Variants in EHD1 observed in about 807,000 individuals in gnomAD.
EHD1 encodes the protein EH domain containing 1.
EHD1 carries 19 observed loss-of-function variants against 39.0 expected under a neutral mutation model. That is an observed-to-expected ratio of 0.49 (90% CI 0.34 to 0.72). The LOEUF is 0.72. Ranked by LOEUF, EHD1 falls within the 30% of genes least tolerant of loss-of-function variation. EHD1 has a pLI of 0.01. For missense variants in EHD1, 542 were observed against 751.5 expected, an observed-to-expected ratio of 0.72 and a Z score of 3.26; for synonymous variants, 323 against 331.2, an observed-to-expected ratio of 0.98 and a Z score of 0.27.
chr11:64,856,776 A>C (rs1266057277), intron 3 of EHD1: 2 of 152,324 alleles, frequency 1.3e-5, no homozygotes, highest in East Asian at 3.8e-4. Context: ...CACAGAGAGC[A>C]CCACTCACTC....
chr11:64,865,073 G>C (rs1362366068), intron 2 of EHD1, among the ~76,000 whole-genome samples: 1 of 152,232 alleles, frequency 6.6e-6, no homozygotes, highest in Non-Finnish European at 1.5e-5. Context: ...TTTCTTTGCA[G>C]GTGACTAAAA....
Position 64,868,619 on chromosome 11 carries a change from CAA to C in EHD1, c.502+5800_502+5801del, listed in dbSNP as rs1469443049. Reference sequence around the variant, plus strand: ...CATTTAGGTGACATTCCGGAAAAGGCAAAAGTTAGAGACAAAGGTCAGTGGGC... The same window carrying C: ...CATTTAGGTGACATTCCGGAAAAGGCAAGTTAGAGACAAAGGTCAGTGGGC... On this transcript the variant is annotated intron_variant, in intron 2 of 4. Transcript: ENST00000320631. The surrounding 1 kb of genome is among the most constrained non-coding windows in gnomAD (Gnocchi z 4.2). Among the ~76,000 whole-genome samples, 2 of 152,166 alleles carry C rather than the reference CAA, an allele frequency of 1.3e-5. No individual in the cohort carries two copies. The highest frequency in any genetic ancestry group is 2.9e-5 in the Non-Finnish European group (2 of 68,032).
At position 64,854,250 on chromosome 11, in the gene EHD1, C is replaced by T. The variant is rs1441443647; in HGVS notation, c.*83G>A. Reference sequence around the variant, plus strand: ...AAACATCCGCTCAGTCTTTATGGACCTTGAGAAATGGTGAGGCTTCCCCTC... The same window carrying T: ...AAACATCCGCTCAGTCTTTATGGACTTTGAGAAATGGTGAGGCTTCCCCTC... On this transcript the variant is annotated 3_prime_UTR_variant, in exon 5 of 5. Coordinates refer to ENST00000320631, the MANE Select transcript of EHD1 (RefSeq NM_006795.4). The T allele has an allele frequency of 2.0e-6, 3 of 1,484,460 alleles. No individual in the cohort carries two copies. Among genetic ancestry groups the T allele is most frequent in the Non-Finnish European group, 2.7e-6 (3 of 1,120,544 alleles). The allele number at this position is 1,484,460 out of a possible 1,614,324, so 92.0% of individuals were successfully genotyped here. A position where few individuals can be genotyped will look rare whatever the true frequency, so the allele number is the denominator to read the frequency against.
At position 64,854,392 on chromosome 11, in the gene EHD1, C is replaced by T. The variant is rs267603107; in HGVS notation, c.1546G>A (p.Glu516Lys). The change falls in exon 5 of 5, where the codon GAG becomes AAG. Residue 516 changes from glutamate (E) to lysine (K), a missense_variant. Glu to Lys is a moderately conservative substitution (Grantham distance 56, BLOSUM62 1). Transcript: ENST00000320631. ...TGCGGGGGCAGGTCGGCGGGCAGCTCGTGGCCCTCCAGCTTGACCTTGATG... is the reference window on the plus strand; with the variant it reads ...TGCGGGGGCAGGTCGGCGGGCAGCTTGTGGCCCTCCAGCTTGACCTTGATG... ...HLIKVKLEGH[E>K]LPADLPPHLV... 6.8e-6 allele frequency: 11 copies of T among 1,613,760 alleles called. No individual in the cohort carries two copies. Among genetic ancestry groups the T allele is most frequent in the Non-Finnish European group, 8.5e-6 (10 of 1,179,924 alleles).
upstream of EHD1, chr11:64,878,959 C>A (rs1943924462): frequency 2.0e-6 from 2 of 1,005,786 alleles, no homozygotes; most frequent in South Asian, 8.5e-5. Flanking sequence ...CCCCCCACAC[C>A]CCCGCGGGAT....
intron 2 of EHD1, among the ~76,000 whole-genome samples, chr11:64,863,507 C>T (rs369492766): frequency 6.2e-4 from 95 of 152,358 alleles, no homozygotes; most frequent in African/African-American, 2.2e-3. Context: ...CTGCAAAGCC[C>T]TCCAGGACAA....
upstream of EHD1, chr11:64,878,976 A>G: frequency 1.0e-6 from 1 of 1,000,236 alleles, no homozygotes; most frequent in Non-Finnish European, 1.2e-6. Flanking sequence ...GGATGGCTCC[A>G]CGAGACACCC....
chr11:64,857,923 A>G (rs968660029), intron 3 of EHD1, among the ~76,000 whole-genome samples: 1 of 152,144 alleles, frequency 6.6e-6, no homozygotes, highest in Non-Finnish European at 1.5e-5. Context: ...GCTCTGTTGA[A>G]GAACTGGGGA....
chr11:64,855,020 A>G (rs891799137), intron 4 of EHD1, 163 bp from the exon 5 acceptor site: 28 of 946,390 alleles, frequency 3.0e-5, no homozygotes, highest in Non-Finnish European at 3.9e-5. Flanking sequence ...TAACCTGTAC[A>G]CAGGAGGCAC....
intron 2 of EHD1, among the ~76,000 whole-genome samples, chr11:64,872,137 C>T (rs915894084): frequency 6.6e-5 from 10 of 152,154 alleles, no homozygotes; most frequent in East Asian, 1.9e-4. Flanking sequence ...CATGATGGCC[C>T]GCGCCTGTGG....
chr11:64,861,086 T>C (rs919158478), intron 2 of EHD1, among the ~76,000 whole-genome samples: 3 of 150,260 alleles, frequency 2.0e-5, no homozygotes, highest in African/African-American at 7.4e-5. Flanking sequence ...CTCAGGAGGC[T>C]GATGCAGGAG....
chr11:64,878,866 G>A, upstream of EHD1: 1 of 1,082,106 alleles, frequency 9.2e-7, no homozygotes, highest in Non-Finnish European at 1.1e-6. Flanking sequence ...AGGGAGGCTC[G>A]CGAAAGTGCT....
Position 64,869,387 on chromosome 11 carries a change from A to C in EHD1, c.502+5034T>G, listed in dbSNP as rs1025591829. Among the ~76,000 whole-genome samples, 4 of 152,228 alleles carry C rather than the reference A, an allele frequency of 2.6e-5. No individual in the cohort carries two copies. In the South Asian group the frequency reaches 8.3e-4, roughly 32 times the overall value. ...TTGGGAGGCCTGGAGCTGGGAGCAAAGGAGGGCCTGGAACCCAACGGGAAA... is the reference window on the plus strand; with the variant it reads ...TTGGGAGGCCTGGAGCTGGGAGCAACGGAGGGCCTGGAACCCAACGGGAAA... On this transcript the variant is annotated intron_variant, in intron 2 of 4. Coordinates refer to ENST00000320631, the MANE Select transcript of EHD1 (RefSeq NM_006795.4).
Position 64,877,678 on chromosome 11 carries a change from G to A in EHD1, c.404+383C>T, listed in dbSNP as rs571301761. The A allele has an allele frequency of 1.9e-5, 4 of 210,210 alleles. No homozygotes were observed. In the South Asian group the frequency reaches 7.1e-4, roughly 37 times the overall value. The allele number at this position is 210,210 out of a possible 1,614,324, so 13.0% of individuals were successfully genotyped here. The stretch of plus-strand genomic sequence containing the variant: ...GACACTTAAGAAGACAGGGAGGGGA[G>A]GGTTGATTTCCGTGAATTAGGTGCA... On this transcript the variant is annotated intron_variant, in intron 1 of 4. Transcript: ENST00000320631.
chr11:64,877,905 A>G, intron 1 of EHD1, 156 bp downstream of exon 1: 1 of 703,416 alleles, frequency 1.4e-6, no homozygotes, highest in South Asian at 3.3e-5. Context: ...TACTCTGGGA[A>G]GGGGCAGGGC....
intron 2 of EHD1, 98 bp downstream of exon 2, chr11:64,874,320 AAGG>A: frequency 1.9e-6 from 2 of 1,064,920 alleles, no homozygotes; most frequent in Non-Finnish European, 2.6e-6. Context: ...AAAAAAAAAA[AAGG>A]AGAAATCTCA....
chr11:64,855,224 T>C lies in EHD1; in HGVS notation c.1080+98A>G, dbSNP rs576151846. 1.3e-5 allele frequency: 19 copies of C among 1,483,390 alleles called. No individual in the cohort carries two copies. In the African/African-American group the frequency reaches 1.5e-4, roughly 12 times the overall value. 91.9% of individuals were successfully genotyped at this position (1,483,390 alleles called of 1,614,324 possible). ...CAGCTGCTTCCGTTCAGGGAGGCCC[T>C]TCCCCATGGAGATGGGATTCCCTCC... On this transcript the variant is annotated intron_variant, in intron 4 of 4. Coordinates refer to ENST00000320631, the MANE Select transcript of EHD1 (RefSeq NM_006795.4).
intron 2 of EHD1, among the ~76,000 whole-genome samples, chr11:64,869,994 G>A (rs891501208): frequency 4.6e-5 from 7 of 152,220 alleles, no homozygotes; most frequent in African/African-American, 7.2e-5. Flanking sequence ...CAGGCTTAGA[G>A]GGAGCCTGCA....
At chr11:64,859,365 C>T (rs1236138428) in intron 3 of EHD1, among the ~76,000 whole-genome samples, 2 of 152,054 alleles carry the variant, frequency 1.3e-5, no homozygotes, top group Non-Finnish European at 2.9e-5. Context: ...AATAAAAATA[C>T]AAAAATCAGC....
Sources: allele counts gnomAD v4.1 joint callset (sites outside exome capture counted in the v4.1 genomes callset), GRCh38; gene constraint gnomAD v4.1.1; non-coding constraint Gnocchi (gnomAD v3.1); transcripts MANE v1.5; gene names NCBI Gene and HGNC (gene_info 2026-07-23, HGNC 2026-07-21).